The following CNTN3 variants were observed in gnomAD, a reference collection of about 807,000 sequenced individuals.
CNTN3 encodes the protein contactin-3.
CNTN3 carries 60 observed loss-of-function variants against 119.1 expected under a neutral mutation model. The ratio of observed to expected loss-of-function variants is 0.50; its 90% CI spans 0.41 to 0.62. CNTN3 has a LOEUF of 0.62. Ranked by LOEUF, CNTN3 falls within the 20% of genes least tolerant of loss-of-function variation. CNTN3 has a pLI of 0.00. For missense variants in CNTN3, 1,101 were observed against 1,242.4 expected (o/e 0.89, Z 1.71); for synonymous variants, 450 against 438.7 (o/e 1.03, Z -0.32).
Position 74,430,997 on chromosome 3 carries a change from G to A in CNTN3, c.359-6057C>T, listed in dbSNP as rs561863037. 7.2e-5 allele frequency among the ~76,000 whole-genome samples: 11 copies of A among 152,184 alleles called. No individual in the cohort carries two copies. In the East Asian group the frequency reaches 1.2e-3, roughly 16 times the overall value. On this transcript the variant is annotated intron_variant, in intron 4 of 22. Transcript: ENST00000263665. Reference sequence around the variant, plus strand: ...GCCACAACATGGGGCCAGTATCTCCGAAGTCAACATCAAAGAAAGGTGTGC... The same window carrying A: ...GCCACAACATGGGGCCAGTATCTCCAAAGTCAACATCAAAGAAAGGTGTGC...
chr3:74,319,818 A>C (rs1235544094), intron 13 of CNTN3, among the ~76,000 whole-genome samples: 1 of 88,850 alleles, frequency 1.1e-5, no homozygotes. Flanking sequence ...ACAAATTTAC[A>C]AAAAAAAAAA....
chr3:74,536,674 G>T (rs993601285), intron 1 of CNTN3, among the ~76,000 whole-genome samples: 20 of 152,004 alleles, frequency 1.3e-4, no homozygotes, highest in African/African-American at 4.1e-4. Flanking sequence ...CTTACTTCCT[G>T]CTTACTTAGA....
At chr3:74,515,987 G>A (rs1703443777) in intron 2 of CNTN3, among the ~76,000 whole-genome samples, 1 of 151,934 alleles carries the variant, frequency 6.6e-6, no homozygotes, top group South Asian at 2.1e-4. Flanking sequence ...AGTATCAACA[G>A]TCTCTCTTAC....
intron 4 of CNTN3, among the ~76,000 whole-genome samples, chr3:74,468,981 C>T (rs1702512882): frequency 6.6e-6 from 1 of 152,062 alleles, no homozygotes; most frequent in Non-Finnish European, 1.5e-5. Context: ...CATTGTTATA[C>T]TGTGATACTT....
intron 13 of CNTN3, among the ~76,000 whole-genome samples, chr3:74,326,154 T>C (rs1273014934): frequency 6.6e-6 from 1 of 152,140 alleles, no homozygotes; most frequent in Non-Finnish European, 1.5e-5. Flanking sequence ...TATCTCTCTT[T>C]CTATCTCTGG....
Position 74,486,622 on chromosome 3 carries a change from C to T in CNTN3, c.192G>A (p.Leu64=), listed in dbSNP as rs1363768871. The T allele has an allele frequency of 1.9e-6, 3 of 1,545,022 alleles. No homozygotes were observed. The African/African-American group carries it at 4.2e-5, about 22-fold the overall frequency. ...TACTCATATCAATATCACTTCCATT[C>T]AGCTGCCATCTGTAAAACAAATATC... is the stretch of plus-strand genomic sequence containing the variant. ...GNPSPHYRWQ[L]NGSDIDMSME... Residue 64 remains leucine, a synonymous_variant, in exon 4 of 23, where the codon CTG becomes CTA. Transcript: ENST00000263665.
intron 1 of CNTN3, among the ~76,000 whole-genome samples, chr3:74,586,309 A>G (rs1245919675): frequency 6.6e-6 from 1 of 152,196 alleles, no homozygotes; most frequent in Non-Finnish European, 1.5e-5. Flanking sequence ...CATTAATAAA[A>G]TGAGAGACTG....
chr3:74,609,841 G>T (rs1339741608), intron 1 of CNTN3, among the ~76,000 whole-genome samples: 3 of 152,096 alleles, frequency 2.0e-5, no homozygotes, highest in Non-Finnish European at 4.4e-5. Context: ...TGCTTACAAG[G>T]TACTTACAGA....
chr3:74,518,906 T>C (rs930230077), intron 2 of CNTN3, among the ~76,000 whole-genome samples: 1 of 151,922 alleles, frequency 6.6e-6, no homozygotes, highest in Non-Finnish European at 1.5e-5. Context: ...ATGTTGTCCA[T>C]GACTAAATCT....
chr3:74,592,314 T>C (rs565549363), intron 1 of CNTN3, among the ~76,000 whole-genome samples: 15 of 152,004 alleles, frequency 9.9e-5, no homozygotes, highest in African/African-American at 3.6e-4. Flanking sequence ...AGAAGCTCAG[T>C]GGAGTAAAGG....
intron 5 of CNTN3, 100 bp downstream of exon 5, chr3:74,424,745 G>A: frequency 1.0e-6 from 1 of 967,048 alleles, no homozygotes; most frequent in Non-Finnish European, 1.6e-6. Flanking sequence ...AGGTTATCAA[G>A]TTTCTCAGAG....
chr3:74,535,971 A>G (rs1703758823), intron 1 of CNTN3, among the ~76,000 whole-genome samples: 1 of 152,246 alleles, frequency 6.6e-6, no homozygotes, highest in Admixed American at 6.5e-5. Context: ...AATATGCAAC[A>G]CTACGTATTA....
rs1439078855 is a variant in CNTN3, at chr3:74,322,971, G to T, written c.1668+11764C>A. The stretch of plus-strand genomic sequence containing the variant: ...CTATTGAGACAATAAAAAGATTAGT[G>T]GTTGCCAGAAGTTAGGAGGGCTGGA... On this transcript the variant is annotated intron_variant, in intron 13 of 22. Coordinates refer to ENST00000263665, the MANE Select transcript of CNTN3 (RefSeq NM_020872.3). 2.6e-5 allele frequency among the ~76,000 whole-genome samples: 4 copies of T among 152,170 alleles called. No individual in the cohort carries two copies. In the East Asian group the frequency reaches 7.7e-4, roughly 29 times the overall value.
intron 1 of CNTN3, among the ~76,000 whole-genome samples, chr3:74,568,503 C>T (rs1285730183): frequency 6.6e-6 from 1 of 152,202 alleles, no homozygotes; most frequent in Admixed American, 6.5e-5. Flanking sequence ...TGCTCTGCAG[C>T]TGTTCTGAAG....
chr3:74,312,264 A>G (rs927829469), intron 13 of CNTN3, among the ~76,000 whole-genome samples: 1 of 151,746 alleles, frequency 6.6e-6, no homozygotes, highest in Non-Finnish European at 1.5e-5. Context: ...CCATCCTGGC[A>G]AACATGGTGA....
At chr3:74,278,954 T>C (rs1364503035) in intron 20 of CNTN3, among the ~76,000 whole-genome samples, 4 of 151,224 alleles carry the variant, frequency 2.6e-5, no homozygotes, top group East Asian at 1.9e-4. Context: ...GTGAAGGACA[T>C]GAACAGACAA....
At chr3:74,267,005 T>A (rs114185989) in intron 21 of CNTN3, among the ~76,000 whole-genome samples, 2,132 of 152,152 alleles carry the variant, frequency 0.014, 52 homozygotes, top group African/African-American at 0.046. Flanking sequence ...AGTATATAGG[T>A]CAGCATCAAT....
intron 2 of CNTN3, among the ~76,000 whole-genome samples, chr3:74,517,839 T>C (rs1386295239): frequency 6.6e-6 from 1 of 151,880 alleles, no homozygotes; most frequent in Non-Finnish European, 1.5e-5. Flanking sequence ...GGCAAACACC[T>C]CCCTATCCTG....
At chr3:74,303,225 G>A (rs1023849339) in intron 13 of CNTN3, among the ~76,000 whole-genome samples, 4 of 152,144 alleles carry the variant, frequency 2.6e-5, no homozygotes, top group African/African-American at 9.7e-5. Flanking sequence ...TGGGTATCTA[G>A]TGGGAGATAA....
Sources: allele counts gnomAD v4.1 joint callset (sites outside exome capture counted in the v4.1 genomes callset), GRCh38; gene constraint gnomAD v4.1.1; transcripts MANE v1.5; gene names NCBI Gene and HGNC (gene_info 2026-07-23, HGNC 2026-07-21).